UBAP2: variants seen among roughly 807,000 people sequenced by gnomAD.
UBAP2 encodes the protein ubiquitin associated protein 2, also known as ubiquitin-associated protein 2.
In UBAP2, 75 loss-of-function variants were observed where a neutral mutation model predicts 139.6. The ratio of observed to expected loss-of-function variants is 0.54; its 90% CI spans 0.45 to 0.65. The LOEUF (loss-of-function observed/expected upper bound fraction) is 0.65. Ranked by LOEUF, UBAP2 falls within the 30% of genes least tolerant of loss-of-function variation. The pLI is 0.00. For synonymous variants in UBAP2, 526 were observed against 526.2 expected, an observed-to-expected ratio of 1.00 and a Z score of 0.01; for missense variants, 1,368 against 1,369.6, an observed-to-expected ratio of 1.00 and a Z score of 0.02.
chr9:34,016,364 CAGCGGCGGTGGTGGTGGTGGTGGTGGT>C lies in UBAP2; in HGVS notation c.99+659_99+685del, dbSNP rs879228994. Reference sequence around the variant, plus strand: ...GAAGAGGAGGAGGCAGCAGCGGCGGCAGCGGCGGTGGTGGTGGTGGTGGTGGTGGTGGTGGTGGTGGTGGTGGTGGCA... The same window carrying C: ...GAAGAGGAGGAGGCAGCAGCGGCGGCGGTGGTGGTGGTGGTGGTGGTGGCA... On this transcript the variant is annotated intron_variant, in intron 2 of 28. Coordinates refer to ENST00000379238, the MANE Select transcript of UBAP2 (RefSeq NM_001370062.2). Among the ~76,000 whole-genome samples the C allele has an allele frequency of 4.8e-4, 19 of 39,636 alleles. 1 individual carries two copies. The South Asian group carries it at 0.013, about 28-fold the overall frequency. 26.0% of individuals were successfully genotyped at this position (39,636 alleles called of 152,430 possible).
chr9:33,981,115 T>TTTTCTGG (rs1292697883), intron 6 of UBAP2, among the ~76,000 whole-genome samples: 1 of 7,148 alleles, frequency 1.4e-4, no homozygotes, highest in Non-Finnish European at 3.5e-4. Flanking sequence ...TATATATATA[T>TTTTCTGG]ATATATATAT....
intron 8 of UBAP2, among the ~76,000 whole-genome samples, chr9:33,967,353 A>G (rs1827547704): frequency 1.3e-5 from 2 of 152,198 alleles, no homozygotes; most frequent in South Asian, 4.1e-4. Context: ...CCTCCAGTAC[A>G]GTGTGAATGG....
chr9:34,038,216 TGAG>T (rs1826633823), intron 1 of UBAP2, among the ~76,000 whole-genome samples: 2 of 149,674 alleles, frequency 1.3e-5, no homozygotes, highest in Non-Finnish European at 1.5e-5. Flanking sequence ...TTTGAGAGGC[TGAG>T]GTGGGAAGAT....
intron 2 of UBAP2, among the ~76,000 whole-genome samples, chr9:34,015,495 T>A (rs1218358131): frequency 0.028 from 9 of 316 alleles, no homozygotes; most frequent in Admixed American, 0.21. Flanking sequence ...AATTTTCGTA[T>A]TTTTTTTTTT....
At chr9:33,946,201 G>A (rs927071724) in intron 13 of UBAP2, among the ~76,000 whole-genome samples, 1 of 152,060 alleles carries the variant, frequency 6.6e-6, no homozygotes, top group Admixed American at 6.6e-5. Flanking sequence ...TTTTTAACCT[G>A]TTTGTTGATC....
intron 1 of UBAP2, among the ~76,000 whole-genome samples, chr9:34,040,930 G>A (rs184530883): frequency 1.3e-5 from 2 of 152,244 alleles, no homozygotes; most frequent in Admixed American, 6.5e-5. Context: ...AAACACTTTA[G>A]CATTACTTAG....
chr9:33,984,657 AACAGAGTGAG>A lies in UBAP2; in HGVS notation c.520+2093_520+2102del, dbSNP rs572894108. Among the ~76,000 whole-genome samples, 1,185 of 152,018 alleles carry A rather than the reference AACAGAGTGAG, an allele frequency of 7.8e-3. 9 individuals carry two copies. The highest frequency in any genetic ancestry group is 0.013 in the Non-Finnish European group (892 of 67,992). On this transcript the variant is annotated intron_variant, in intron 6 of 28. Coordinates refer to ENST00000379238, the MANE Select transcript of UBAP2 (RefSeq NM_001370062.2). ...CATGCCACTGCACTCCAGCCTGGGC[AACAGAGTGAG>A]ACACTGTCTCTTAAGAGAAAAAAAA...
chr9:34,024,810 C>CTCG (rs1825270452), intron 1 of UBAP2, among the ~76,000 whole-genome samples: 1 of 151,956 alleles, frequency 6.6e-6, no homozygotes, highest in Admixed American at 6.6e-5. Flanking sequence ...ATGGCGAAAC[C>CTCG]CTGTCTCTAC....
chr9:33,979,331 C>T (rs1366661650), intron 6 of UBAP2, among the ~76,000 whole-genome samples: 4 of 152,150 alleles, frequency 2.6e-5, no homozygotes, highest in African/African-American at 9.7e-5. Context: ...TTTATGAATA[C>T]ACAAGATAAA....
intron 6 of UBAP2, 124 bp from the exon 7 acceptor site, chr9:33,973,361 C>G: frequency 9.5e-7 from 1 of 1,052,886 alleles, no homozygotes; most frequent in Non-Finnish European, 1.4e-6. Flanking sequence ...CACCAACATT[C>G]CAATCCAGGG....
chr9:34,011,951 AT>A (rs1823783287), intron 2 of UBAP2, among the ~76,000 whole-genome samples: 1 of 149,014 alleles, frequency 6.7e-6, no homozygotes, highest in Admixed American at 6.9e-5. Context: ...AAAATTGGAA[AT>A]AATAATAAAG....
At chr9:33,949,769 C>T (rs986150596) in intron 12 of UBAP2, among the ~76,000 whole-genome samples, 8 of 152,186 alleles carry the variant, frequency 5.3e-5, no homozygotes, top group Non-Finnish European at 8.8e-5. Context: ...AAGAACTGAA[C>T]TTCAGTGGTT....
chr9:33,954,267 T>TACAC (rs368965909), intron 11 of UBAP2, among the ~76,000 whole-genome samples: 2,218 of 101,656 alleles, frequency 0.022, 28 homozygotes, highest in African/African-American at 0.044. Context: ...AGTGTGTGTA[T>TACAC]ATACACACAC....
intron 2 of UBAP2, among the ~76,000 whole-genome samples, chr9:34,016,262 A>G (rs1281830261): frequency 3.6e-4 from 11 of 30,850 alleles, no homozygotes; most frequent in African/African-American, 9.6e-4. Context: ...GAGGAGGAAG[A>G]GGAGGAAGAG....
intron 9 of UBAP2, among the ~76,000 whole-genome samples, chr9:33,962,346 C>T (rs956362306): frequency 2.6e-5 from 4 of 152,210 alleles, no homozygotes; most frequent in African/African-American, 7.2e-5. Flanking sequence ...ATTCAGGAGA[C>T]ATATTAAAAG....
intron 6 of UBAP2, among the ~76,000 whole-genome samples, chr9:33,983,457 G>A (rs1820942307): frequency 6.6e-6 from 1 of 152,174 alleles, no homozygotes; most frequent in African/African-American, 2.4e-5. Context: ...AAGAGGGGAA[G>A]AAGCTGGGTT....
At position 33,954,885 on chromosome 9, in the gene UBAP2, C is replaced by T. The variant is rs118177644; in HGVS notation, c.866+1194G>A. ...ATCCTGTTAGGTTCAAAACTGCCTT[C>T]ATTTCTAAGGTATCATATGTAACCA... On this transcript the variant is annotated intron_variant, in intron 11 of 28. Coordinates refer to ENST00000379238, the MANE Select transcript of UBAP2 (RefSeq NM_001370062.2). Among the ~76,000 whole-genome samples the T allele has an allele frequency of 4.8e-3, 737 of 152,316 alleles. 4 individuals are homozygous for T. Among genetic ancestry groups the T allele is most frequent in the Non-Finnish European group, 7.3e-3 (498 of 68,014 alleles).
chr9:34,047,948 G>C (rs555149468), intron 1 of UBAP2, among the ~76,000 whole-genome samples: 2 of 152,302 alleles, frequency 1.3e-5, no homozygotes, highest in East Asian at 3.9e-4. Context: ...CAATAGAAGT[G>C]GTAGTAAATG....
chr9:34,041,955 G>T (rs1827133218), intron 1 of UBAP2, among the ~76,000 whole-genome samples: 1 of 151,826 alleles, frequency 6.6e-6, no homozygotes, highest in Non-Finnish European at 1.5e-5. Context: ...AACCCGGGAG[G>T]TGAATGTTGC....
Sources: gnomAD v4.1 joint callset for allele counts (sites outside exome capture counted in the v4.1 genomes callset) on GRCh38, gnomAD v4.1.1 for gene constraint, MANE v1.5 for transcripts, NCBI Gene and HGNC (gene_info 2026-07-23, HGNC 2026-07-21) for gene names.